KIRREL2: variants seen among roughly 807,000 people sequenced by gnomAD.
KIRREL2 encodes kirre like nephrin family adhesion molecule 2, also known as kin of IRRE-like protein 2.
In KIRREL2, 56 loss-of-function variants were observed where a neutral mutation model predicts 73.4. That is an observed-to-expected ratio of 0.76 (90% confidence interval 0.62 to 0.95). KIRREL2 has a LOEUF of 0.95. KIRREL2 is among the 40% of genes least tolerant of loss of function. KIRREL2 has a pLI of 0.00. For missense variants in KIRREL2, 896 were observed against 935.0 expected, an observed-to-expected ratio of 0.96 and a Z score of 0.54; for synonymous variants, 407 against 404.0, an observed-to-expected ratio of 1.01 and a Z score of -0.09.
rs148131022 is a variant in KIRREL2, at chr19:35,865,959, T to C, written c.1792-198T>C. ...TCTCTACCTTTCTCTGCCTATGTCCTATCCATTTGCCTCTTATCACTGTTC... is the reference window on the plus strand; with the variant it reads ...TCTCTACCTTTCTCTGCCTATGTCCCATCCATTTGCCTCTTATCACTGTTC... On this transcript the variant is annotated intron_variant, in intron 14 of 14. Coordinates refer to ENST00000360202, the MANE Select transcript of KIRREL2 (RefSeq NM_199180.4). Among the ~76,000 whole-genome samples, 962 of 152,270 alleles carry C rather than the reference T, an allele frequency of 6.3e-3. 5 individuals are homozygous for C. Among genetic ancestry groups the C allele is most frequent in the African/African-American group, 0.021 (891 of 41,532 alleles).
rs1329306838 is a variant in KIRREL2, at chr19:35,860,887, AC to A, written c.929-18del. 4.3e-6 allele frequency: 7 copies of A among 1,611,952 alleles called. No individual in the cohort carries two copies. The South Asian group carries it at 5.5e-5, about 13-fold the overall frequency. On this transcript the variant is annotated intron_variant, in intron 7 of 14. Transcript: ENST00000360202. ...GGCTGCATTCCGCCCCGGCCATGTG[AC>A]CCCTAGTCTCTTTCGTCCAGTTGGG...
chr19:35,856,183 A>C (rs1973414164), upstream of KIRREL2, among the ~76,000 whole-genome samples: 1 of 152,142 alleles, frequency 6.6e-6, no homozygotes, highest in Admixed American at 6.5e-5. This position sits in a 1 kb window ranked among gnomAD's most constrained non-coding sequence, Gnocchi z 5.9. Flanking sequence ...GCTGGGCTGC[A>C]TGGAGCCGTC....
Position 35,866,931 on chromosome 19 carries a change from C to T in KIRREL2, c.*439C>T, listed in dbSNP as rs1420079251. 1 of 199,562 alleles carries T rather than the reference C, an allele frequency of 5.0e-6. No homozygotes were observed. The highest frequency in any genetic ancestry group is 9.9e-6 in the Non-Finnish European group (1 of 101,284). 12.4% of individuals were successfully genotyped at this position (199,562 alleles called of 1,614,324 possible). On this transcript the variant is annotated 3_prime_UTR_variant, in exon 15 of 15. Transcript: ENST00000360202. ...CCACCCTGGCTCTCCCTGAGGGGAA[C>T]TTTGCTCGGCCAATGGAAATGCAGC... is the stretch of plus-strand genomic sequence containing the variant.
Position 35,864,643 on chromosome 19 carries a change from C to T in KIRREL2, c.1726-5C>T, listed in dbSNP as rs1306124048. On this transcript the variant is annotated splice_polypyrimidine_tract_variant and splice_region_variant and intron_variant, in intron 13 of 14. Transcript: ENST00000360202. ...TATTCCCTCTCACTAAGTTCCCTACCCCAGGGCCCCATTGTGCACACTGAC... is the reference window on the plus strand; with the variant it reads ...TATTCCCTCTCACTAAGTTCCCTACTCCAGGGCCCCATTGTGCACACTGAC... 6.2e-7 allele frequency: 1 copy of T among 1,611,878 alleles called. No individual in the cohort carries two copies. The highest frequency in any genetic ancestry group is 1.7e-5 in the Admixed American group (1 of 59,990).
In KIRREL2 at chr19:35,861,893, GA is replaced by G; in HGVS notation, c.1380del (p.Leu461TrpfsTer5). On this transcript the variant is annotated frameshift_variant, in exon 11 of 15. Transcript: ENST00000360202. LOFTEE classifies it high-confidence loss of function. ...ETFPAPESRGGLGPGLISVLH... is the reference protein window; with the variant it reads ...ETFPAPESRGXLGPGLISVLH... The stretch of plus-strand genomic sequence containing the variant: ...TTCCCTGCCCCAGAGAGCCGCGGGG[GA>G]CTGGGTCCGGGCCTGATCTCTGTGC... 7 of 1,603,736 alleles carry G rather than the reference GA, an allele frequency of 4.4e-6. No individual in the cohort carries two copies. Among genetic ancestry groups the G allele is most frequent in the Non-Finnish European group, 6.0e-6 (7 of 1,175,630 alleles).
Position 35,861,103 on chromosome 19 carries a change from C to T in KIRREL2, c.1057-19C>T. ...GCTTCCTTACAAATCCGGCTTCTGA[C>T]GCCCCTTCCCTGTCGCAGGTGCTGG... is the stretch of plus-strand genomic sequence containing the variant. On this transcript the variant is annotated intron_variant, in intron 8 of 14. Coordinates refer to ENST00000360202, the MANE Select transcript of KIRREL2 (RefSeq NM_199180.4). 1.9e-6 allele frequency: 3 copies of T among 1,607,166 alleles called. No homozygotes were observed. Among genetic ancestry groups the T allele is most frequent in the South Asian group, 2.2e-5 (2 of 90,614 alleles).
chr19:35,857,990 CAAAA>C (rs112446441), intron 2 of KIRREL2, among the ~76,000 whole-genome samples: 2 of 78,244 alleles, frequency 2.6e-5, no homozygotes. Context: ...GACCCTGTCT[CAAAA>C]AAAAAAAAAA....
chr19:35,860,739 T>C (rs1168207748), intron 7 of KIRREL2, 72 bp downstream of exon 7: 2 of 1,588,776 alleles, frequency 1.3e-6, no homozygotes, highest in African/African-American at 1.3e-5. Flanking sequence ...GGTCGGGGCC[T>C]GGAGGGGCGG....
At chr19:35,860,101 C>G (rs442219) in intron 5 of KIRREL2, among the ~76,000 whole-genome samples, 196 bp from the exon 6 acceptor site, 9,195 of 152,036 alleles carry the variant, frequency 0.06, 832 homozygotes, top group African/African-American at 0.2. Flanking sequence ...ATCGGGGAGA[C>G]TAGGAGAGGG....
intron 2 of KIRREL2, 37 bp downstream of exon 2, chr19:35,857,531 A>T: frequency 6.6e-7 from 1 of 1,506,452 alleles, no homozygotes; most frequent in African/African-American, 1.4e-5. Flanking sequence ...CGGGCTGGCT[A>T]GGGGGAGAGT....
At chr19:35,859,383 G>A in intron 4 of KIRREL2, 98 bp from the exon 5 acceptor site, 1 of 1,076,608 alleles carries the variant, frequency 9.3e-7, no homozygotes, top group South Asian at 1.5e-5. Flanking sequence ...AGTATGTGTG[G>A]CCTAAGACAA....
At chr19:35,864,883 C>T (rs1298298329) in intron 14 of KIRREL2, among the ~76,000 whole-genome samples, 170 bp downstream of exon 14, 3 of 152,158 alleles carry the variant, frequency 2.0e-5, no homozygotes, top group African/African-American at 7.2e-5. Flanking sequence ...CCATCTCACT[C>T]AGCTCCCAGC....
rs926754738 is a variant in KIRREL2 at position 35,860,248 on chromosome 19, G to A, written c.674-49G>A. 1.5e-5 allele frequency: 22 copies of A among 1,487,386 alleles called. No homozygotes were observed. In the African/African-American group the frequency reaches 1.9e-4, roughly 13 times the overall value. The allele number at this position is 1,487,386 out of a possible 1,614,324, so 92.1% of individuals were successfully genotyped here. A position where few individuals can be genotyped will look rare whatever the true frequency, so the allele number is the denominator to read the frequency against. On this transcript the variant is annotated intron_variant, in intron 5 of 14. Transcript: ENST00000360202. ...GGGACTGGACACCTAGGCCAGTGAC[G>A]GAGGTGTTCCTGGTCCTTGCCCATC... is the stretch of plus-strand genomic sequence containing the variant.
In KIRREL2 at chr19:35,861,130, C is replaced by A. The variant is rs201257481; in HGVS notation, c.1065C>A (p.Gly355=). 2 of 1,605,286 alleles carry A rather than the reference C, an allele frequency of 1.2e-6. No homozygotes were observed. The highest frequency in any genetic ancestry group is 2.2e-5 in the East Asian group (1 of 44,762). Residue 355 remains glycine (G), a synonymous_variant, in exon 9 of 15, where the codon GGC becomes GGA. Transcript: ENST00000360202. ...WTRRGGAQVL[G]SGATLRLPSV... ...CCCCTTCCCTGTCGCAGGTGCTGGG[C>A]TCTGGAGCCACACTGCGTCTTCCGT...
chr19:35,855,518 G>A (rs1973388309), upstream of KIRREL2, among the ~76,000 whole-genome samples: 1 of 151,422 alleles, frequency 6.6e-6, no homozygotes, highest in Non-Finnish European at 1.5e-5. Flanking sequence ...CACTAGATAA[G>A]CCACACAGAA....
At chr19:35,851,681 A>G (rs551940702), upstream of KIRREL2, 4 of 1,609,478 alleles carry the variant, frequency 2.5e-6, no homozygotes, top group South Asian at 4.4e-5. Flanking sequence ...GCCTGAGGAC[A>G]CAGCGCGGTG....
At chr19:35,851,467 G>T (rs1973259133), upstream of KIRREL2, 2 of 1,613,474 alleles carry the variant, frequency 1.2e-6, no homozygotes, top group African/African-American at 2.7e-5. Flanking sequence ...CTCTAGCAGG[G>T]TCCCCTTCCA....
rs1973884961 is a variant in KIRREL2, at chr19:35,864,655, T to C, written c.1733T>C (p.Ile578Thr). 1.9e-6 allele frequency: 3 copies of C among 1,612,026 alleles called. No homozygotes were observed. Among genetic ancestry groups the C allele is most frequent in the East Asian group, 2.2e-5 (1 of 44,852 alleles). The change falls in exon 14 of 15, where the codon ATT (isoleucine) becomes ACT (threonine). Residue 578 changes from isoleucine (I) to threonine (T), a missense_variant. By Grantham distance (89) the Ile-to-Thr change is moderately conservative (BLOSUM62 -1). Coordinates refer to ENST00000360202, the MANE Select transcript of KIRREL2 (RefSeq NM_199180.4). ...ETGSREDRGP[I>T]VHTDHSDLVL... The stretch of plus-strand genomic sequence containing the variant: ...CTAAGTTCCCTACCCCAGGGCCCCA[T>C]TGTGCACACTGACCACAGTGATCTG...
Position 35,861,622 on chromosome 19 carries a change from C to T in KIRREL2, c.1271C>T (p.Ser424Phe). The change falls in exon 10 of 15, where the codon TCT becomes TTT. Residue 424 changes from serine to phenylalanine, a missense_variant. Coordinates refer to ENST00000360202, the MANE Select transcript of KIRREL2 (RefSeq NM_199180.4). ...CGCCTCCAGTGTCTGGTTTTCGCCT[C>T]TCCCGCCCCAGATGCCGTGGTAAGG... ...PARLQCLVFA[S>F]PAPDAVVWSW... The T allele has an allele frequency of 6.2e-7, 1 of 1,613,414 alleles. No homozygotes were observed. Among genetic ancestry groups the T allele is most frequent in the Non-Finnish European group, 8.5e-7 (1 of 1,179,742 alleles).
Sources: gnomAD v4.1 joint callset for allele counts (sites outside exome capture counted in the v4.1 genomes callset) on GRCh38, gnomAD v4.1.1 for gene constraint, Gnocchi (gnomAD v3.1) non-coding constraint, MANE v1.5 for transcripts, NCBI Gene and HGNC (gene_info 2026-07-23, HGNC 2026-07-21) for gene names.